The following PRELID2 variants were observed in gnomAD, a reference collection of about 807,000 sequenced individuals.
PRELID2 encodes the protein PRELI domain containing 2, also known as PRELI domain-containing protein 2.
PRELID2 carries 25 observed loss-of-function variants against 28.4 expected under a neutral mutation model. The observed-to-expected ratio is 0.88, with a 90% confidence interval of 0.64 to 1.23. The LOEUF (loss-of-function observed/expected upper bound fraction) is 1.23. Ranked by LOEUF, PRELID2 falls within the 50% of genes most tolerant of loss-of-function variation. The pLI is 0.00. For missense variants in PRELID2, 201 were observed against 214.4 expected, an observed-to-expected ratio of 0.94 and a Z score of 0.39; for synonymous variants, 76 against 71.6, an observed-to-expected ratio of 1.06 and a Z score of -0.31.
intron 1 of PRELID2, among the ~76,000 whole-genome samples, chr5:145,540,689 GAA>G (rs34388522): frequency 1.1e-4 from 11 of 98,410 alleles, no homozygotes; most frequent in Admixed American, 2.2e-4. Context: ...GTCAATGGCA[GAA>G]AAAAAAAAAA....
At chr5:145,717,568 G>A (rs1014159043) in intron 1 of PRELID2, among the ~76,000 whole-genome samples, 1 of 151,854 alleles carries the variant, frequency 6.6e-6, no homozygotes, top group Non-Finnish European at 1.5e-5. Flanking sequence ...GTGGAAATAT[G>A]TAAGACAATA....
At chr5:145,491,434 A>G (rs886561509) in intron 1 of PRELID2, among the ~76,000 whole-genome samples, 3 of 152,172 alleles carry the variant, frequency 2.0e-5, no homozygotes, top group African/African-American at 7.2e-5. Flanking sequence ...GTTTTAATTG[A>G]CAGATGAAAT....
chr5:145,593,813 G>A (rs111327360), intron 1 of PRELID2, among the ~76,000 whole-genome samples: 1 of 152,156 alleles, frequency 6.6e-6, no homozygotes. Flanking sequence ...CATTGATTAA[G>A]AGAGACTCAA....
At chr5:145,335,498 T>A in the PRELID2 span, among the ~76,000 whole-genome samples, 1 of 152,164 alleles carries the variant, frequency 6.6e-6, no homozygotes, top group Non-Finnish European at 1.5e-5. Context: ...AAAAAATTAT[T>A]GTGTTTATCA....
At chr5:145,391,461 G>A in the PRELID2 span, among the ~76,000 whole-genome samples, 1 of 152,154 alleles carries the variant, frequency 6.6e-6, no homozygotes, top group African/African-American at 2.4e-5. Flanking sequence ...CCCGTGGCCT[G>A]GCCACATCCC....
intron 1 of PRELID2, among the ~76,000 whole-genome samples, chr5:145,621,324 G>A (rs112951269): frequency 0.034 from 5,107 of 152,234 alleles, 249 homozygotes; most frequent in African/African-American, 0.11. Flanking sequence ...CTCATACATT[G>A]CTGGTAGGAA....
At chr5:145,741,323 A>T (rs1194326470) in intron 1 of PRELID2, among the ~76,000 whole-genome samples, 14 of 39,154 alleles carry the variant, frequency 3.6e-4, no homozygotes, top group East Asian at 1.0e-3. Flanking sequence ...TTATAAATAA[A>T]TTATTTATAT....
At chr5:145,471,939 G>A (rs1044179888) in exon 3 of PRELID2, 2 of 152,100 alleles carry the variant, frequency 1.3e-5, no homozygotes, top group Non-Finnish European at 2.9e-5. Context: ...TCATGAAGGA[G>A]CTGATGTGGA....
the PRELID2 span, among the ~76,000 whole-genome samples, chr5:145,291,884 C>G: frequency 1.3e-5 from 2 of 152,124 alleles, no homozygotes; most frequent in Non-Finnish European, 2.9e-5. Context: ...AAATGACTAT[C>G]CTTTCTTGAT....
At chr5:145,677,403 C>T (rs190291317) in intron 1 of PRELID2, among the ~76,000 whole-genome samples, 4 of 152,186 alleles carry the variant, frequency 2.6e-5, no homozygotes, top group Non-Finnish European at 4.4e-5. Context: ...GATCCACCTA[C>T]CTCGGCCTCC....
At chr5:145,474,915 G>A (rs1189173742) in intron 1 of PRELID2, among the ~76,000 whole-genome samples, 1 of 152,128 alleles carries the variant, frequency 6.6e-6, no homozygotes, top group East Asian at 1.9e-4. Flanking sequence ...GCAGGATTTA[G>A]TGTATAAAAG....
intron 1 of PRELID2, among the ~76,000 whole-genome samples, chr5:145,700,268 C>A (rs892127628): frequency 2.6e-5 from 4 of 151,884 alleles, no homozygotes; most frequent in African/African-American, 9.7e-5. Flanking sequence ...GATTCAAATC[C>A]CCAATCCTCA....
At chr5:145,386,854 C>T in the PRELID2 span, among the ~76,000 whole-genome samples, 2 of 152,254 alleles carry the variant, frequency 1.3e-5, no homozygotes, top group East Asian at 3.9e-4. Flanking sequence ...CATAATGTTG[C>T]ATTTCAAGAA....
At chr5:145,694,020 T>C (rs1459212430) in intron 1 of PRELID2, among the ~76,000 whole-genome samples, 2 of 152,218 alleles carry the variant, frequency 1.3e-5, no homozygotes, top group African/African-American at 4.8e-5. Flanking sequence ...TCACTAGCTG[T>C]ATGACATCAG....
intron 1 of PRELID2, among the ~76,000 whole-genome samples, chr5:145,735,244 C>CA (rs112613176): frequency 0.047 from 4,184 of 88,290 alleles, 187 homozygotes; most frequent in African/African-American, 0.12. Flanking sequence ...GTCTCCATCT[C>CA]AAAAAAAAAA....
chr5:145,650,895 T>C (rs984304703), intron 1 of PRELID2, among the ~76,000 whole-genome samples: 8 of 152,044 alleles, frequency 5.3e-5, no homozygotes, highest in Admixed American at 3.3e-4. Flanking sequence ...CACTGGGGCT[T>C]GTCAGACAGT....
intron 1 of PRELID2, among the ~76,000 whole-genome samples, chr5:145,568,429 A>C (rs1752987087): frequency 6.6e-6 from 1 of 152,262 alleles, no homozygotes. Flanking sequence ...ACTGGAAGTC[A>C]ATAAGAATCC....
the PRELID2 span, among the ~76,000 whole-genome samples, chr5:145,370,862 T>TAGCA: frequency 6.6e-6 from 1 of 152,118 alleles, no homozygotes; most frequent in African/African-American, 2.4e-5. Context: ...CTAGGTATTT[T>TAGCA]ATTCTCTTTG....
chr5:145,553,885 G>A (rs757460786), intron 1 of PRELID2, among the ~76,000 whole-genome samples: 2 of 152,200 alleles, frequency 1.3e-5, no homozygotes, highest in Non-Finnish European at 2.9e-5. Flanking sequence ...GATGCAGCCT[G>A]AATCAGGACA....
Sources: gnomAD v4.1 joint callset for allele counts (sites outside exome capture counted in the v4.1 genomes callset) on GRCh38, gnomAD v4.1.1 for gene constraint, MANE v1.5 for transcripts, NCBI Gene and HGNC (gene_info 2026-07-23, HGNC 2026-07-21) for gene names.